Variants in MYL1 observed in about 807,000 individuals in gnomAD.
MYL1 encodes myosin light chain 1.
In MYL1, 16 loss-of-function variants were observed where a neutral mutation model predicts 21.8. The ratio of observed to expected loss-of-function variants is 0.74; its 90% CI spans 0.50 to 1.12. The LOEUF is 1.12. Among genes scored for constraint, MYL1 ranks in the 50% most tolerant of loss-of-function variants. MYL1 has a pLI of 0.00. For missense variants in MYL1, 246 were observed against 241.0 expected (o/e 1.02, Z -0.14); for synonymous variants, 99 against 85.2 (o/e 1.16, Z -0.89).
intron 1 of MYL1, among the ~76,000 whole-genome samples, chr2:210,313,120 G>A (rs556330848): frequency 1.3e-5 from 2 of 152,020 alleles, no homozygotes; most frequent in Non-Finnish European, 2.9e-5. Context: ...TCTCTCACCT[G>A]CCAAACAATT....
intron 5 of MYL1, among the ~76,000 whole-genome samples, chr2:210,291,612 A>G (rs901371629): frequency 6.6e-6 from 1 of 152,160 alleles, no homozygotes; most frequent in Non-Finnish European, 1.5e-5. Context: ...TACTCTATAC[A>G]TTGTTTTGTA....
At chr2:210,309,933 C>A (rs1481742904) in intron 1 of MYL1, among the ~76,000 whole-genome samples, 1 of 152,000 alleles carries the variant, frequency 6.6e-6, no homozygotes. Flanking sequence ...AAGACATTAT[C>A]CATCAAAATA....
intron 2 of MYL1, among the ~76,000 whole-genome samples, chr2:210,300,836 T>C (rs1690254007): frequency 6.6e-6 from 1 of 152,150 alleles, no homozygotes; most frequent in African/African-American, 2.4e-5. Flanking sequence ...TGTGATAGAT[T>C]CCAATAGAGC....
Position 210,313,635 on chromosome 2 carries a change from AC to A in MYL1, c.132+1275del, listed in dbSNP as rs536680013. On this transcript the variant is annotated intron_variant, in intron 1 of 6. Transcript: ENST00000352451. ...CCAATTTTTTTCAAATACTTCAAAT[AC>A]CTACAAACTAAAGATTAAATATTCG... is the stretch of plus-strand genomic sequence containing the variant. Among the ~76,000 whole-genome samples the A allele has an allele frequency of 3.2e-3, 488 of 152,144 alleles. 1 individual carries two copies. The highest frequency in any genetic ancestry group is 0.01 in the African/African-American group (426 of 41,544).
chr2:210,297,373 C>T (rs979528599), intron 3 of MYL1, among the ~76,000 whole-genome samples: 10 of 151,898 alleles, frequency 6.6e-5, no homozygotes, highest in Non-Finnish European at 1.2e-4. Context: ...GGTAAGATGG[C>T]GTTTCATTGT....
At chr2:210,299,484 G>A (rs1007066529) in intron 2 of MYL1, among the ~76,000 whole-genome samples, 2 of 152,140 alleles carry the variant, frequency 1.3e-5, no homozygotes, top group African/African-American at 4.8e-5. Context: ...TCGATTCATT[G>A]TGTGTACGTG....
Position 210,293,039 on chromosome 2 carries a change from CTTT to C in MYL1, c.556+681_556+683del, listed in dbSNP as rs1475499659. ...TCTTCCCCTCTCATTCTCTTCTCTT[CTTT>C]GTTTTTCTCTTTTTGTCTTTATTTA... On this transcript the variant is annotated intron_variant, in intron 5 of 6. Transcript: ENST00000352451. 2.6e-5 allele frequency among the ~76,000 whole-genome samples: 4 copies of C among 151,722 alleles called. No individual in the cohort carries two copies. In the East Asian group the frequency reaches 7.7e-4, roughly 29 times the overall value.
chr2:210,302,430 T>C, intron 2 of MYL1, 58 bp downstream of exon 2: 2 of 1,533,278 alleles, frequency 1.3e-6, no homozygotes, highest in Non-Finnish European at 1.8e-6. Flanking sequence ...GGAGTTGGTT[T>C]TCACACATGC....
intron 3 of MYL1, among the ~76,000 whole-genome samples, chr2:210,296,770 C>T (rs1031549617): frequency 2.0e-5 from 3 of 151,860 alleles, no homozygotes; most frequent in Admixed American, 6.6e-5. Context: ...ATTTATTAAC[C>T]AACTTCTGGC....
intron 1 of MYL1, among the ~76,000 whole-genome samples, chr2:210,311,097 A>G (rs1690412430): frequency 6.6e-6 from 1 of 152,110 alleles, no homozygotes; most frequent in South Asian, 2.1e-4. Context: ...GAGCAAATTC[A>G]CAATGAATAT....
At position 210,298,415 on chromosome 2, in the gene MYL1, G is replaced by A; in HGVS notation, c.304+5C>T. 6.2e-7 allele frequency: 1 copy of A among 1,612,344 alleles called. No homozygotes were observed. Among genetic ancestry groups the A allele is most frequent in the African/African-American group, 1.3e-5 (1 of 74,710 alleles). ...CCACACTTCTTGGAAAAATTGATGG[G>A]TTACCTTCATTGCTGGGGTTTCCCA... On this transcript the variant is annotated splice_donor_5th_base_variant and intron_variant, in intron 3 of 6. Coordinates refer to ENST00000352451, the MANE Select transcript of MYL1 (RefSeq NM_079420.3).
At chr2:210,311,568 T>C (rs1381685693) in intron 1 of MYL1, among the ~76,000 whole-genome samples, 7 of 152,070 alleles carry the variant, frequency 4.6e-5, no homozygotes, top group South Asian at 2.1e-4. Flanking sequence ...GTGAGAGACA[T>C]GATTCACAAT....
chr2:210,311,917 T>C (rs910337474), intron 1 of MYL1, among the ~76,000 whole-genome samples: 8 of 151,962 alleles, frequency 5.3e-5, no homozygotes, highest in African/African-American at 1.9e-4. Context: ...AGGGTACTCA[T>C]AGAAAATCCA....
At chr2:210,304,413 A>G (rs1350028620) in intron 1 of MYL1, among the ~76,000 whole-genome samples, 6 of 152,094 alleles carry the variant, frequency 3.9e-5, no homozygotes, top group African/African-American at 7.2e-5. Flanking sequence ...TTAACTACAC[A>G]TAAGTTCTTA....
At chr2:210,307,253 A>G (rs1184875846) in intron 1 of MYL1, among the ~76,000 whole-genome samples, 1 of 152,072 alleles carries the variant, frequency 6.6e-6, no homozygotes, top group African/African-American at 2.4e-5. Flanking sequence ...GCCTACCCCA[A>G]CCTGTCTCCG....
chr2:210,301,817 G>A (rs761469461), intron 2 of MYL1, among the ~76,000 whole-genome samples: 6 of 152,072 alleles, frequency 3.9e-5, no homozygotes, highest in Non-Finnish European at 7.4e-5. Context: ...GCTAGTAATT[G>A]TTTTTATAAA....
intron 2 of MYL1, among the ~76,000 whole-genome samples, chr2:210,299,468 G>T (rs1051037044): frequency 2.0e-5 from 3 of 152,020 alleles, no homozygotes; most frequent in Non-Finnish European, 4.4e-5. Context: ...CATTTTCCCA[G>T]TTTGCTCGAT....
chr2:210,297,591 G>A (rs1305992372), intron 3 of MYL1, among the ~76,000 whole-genome samples: 1 of 151,282 alleles, frequency 6.6e-6, no homozygotes, highest in Non-Finnish European at 1.5e-5. Flanking sequence ...TTGCAAATGT[G>A]TCTTGTCTTT....
chr2:210,292,724 C>T (rs549370911), intron 5 of MYL1, among the ~76,000 whole-genome samples: 1 of 152,220 alleles, frequency 6.6e-6, no homozygotes, highest in East Asian at 1.9e-4. Context: ...ATTAATTCTT[C>T]TGTGATTTTT....
Sources: allele counts gnomAD v4.1 joint callset (sites outside exome capture counted in the v4.1 genomes callset), GRCh38; gene constraint gnomAD v4.1.1; transcripts MANE v1.5; gene names NCBI Gene and HGNC (gene_info 2026-07-23, HGNC 2026-07-21).